The following TRDN variants were observed in gnomAD, a reference collection of about 807,000 sequenced individuals.
The protein encoded by TRDN is triadin in skeletal muscle.
TRDN carries 161 observed loss-of-function variants against 149.7 expected under a neutral mutation model. The observed-to-expected ratio is 1.08, with a 90% CI of 0.95 to 1.23. The LOEUF (loss-of-function observed/expected upper bound fraction) is 1.23, where lower values mean the gene tolerates loss of function less well. Ranked by LOEUF, TRDN falls within the 50% of genes most tolerant of loss-of-function variation. TRDN has a pLI of 0.00. For synonymous variants in TRDN, 294 were observed against 250.5 expected (o/e 1.17, Z -1.64); for missense variants, 896 against 823.5 (o/e 1.09, Z -1.08).
intron 24 of TRDN, among the ~76,000 whole-genome samples, chr6:123,306,548 C>A (rs1778618290): frequency 6.6e-6 from 1 of 152,074 alleles, no homozygotes; most frequent in Non-Finnish European, 1.5e-5. Context: ...TCTGCACATA[C>A]TTGACTGCTG....
intron 10 of TRDN, among the ~76,000 whole-genome samples, chr6:123,443,452 T>C (rs2114615506): frequency 6.6e-6 from 1 of 151,954 alleles, no homozygotes. Flanking sequence ...AGAGGAAAAA[T>C]ACCTGCAGAG....
chr6:123,250,050 A>G (rs1776321447), intron 38 of TRDN, among the ~76,000 whole-genome samples: 2 of 152,142 alleles, frequency 1.3e-5, no homozygotes, highest in African/African-American at 4.8e-5. Flanking sequence ...TCCATACACC[A>G]ATAATGAACT....
chr6:123,573,716 T>G (rs1036124834), intron 1 of TRDN, among the ~76,000 whole-genome samples: 11 of 152,034 alleles, frequency 7.2e-5, no homozygotes, highest in Non-Finnish European at 1.6e-4. Context: ...TTTATCCCAT[T>G]AGCAAAATTA....
intron 4 of TRDN, among the ~76,000 whole-genome samples, chr6:123,546,270 T>C (rs1312708321): frequency 6.6e-6 from 1 of 152,128 alleles, no homozygotes; most frequent in Non-Finnish European, 1.5e-5. Context: ...ATAAACACTT[T>C]CATTTCTGGA....
chr6:123,414,634 T>C (rs951677552), intron 12 of TRDN, among the ~76,000 whole-genome samples: 2 of 152,064 alleles, frequency 1.3e-5, no homozygotes, highest in East Asian at 1.9e-4. Context: ...AGCAGGAAAA[T>C]GGAATTGCCA....
chr6:123,221,144 T>A (rs1775133281), intron 40 of TRDN, among the ~76,000 whole-genome samples: 5 of 151,738 alleles, frequency 3.3e-5, no homozygotes. Flanking sequence ...TATAAAAAAA[T>A]TTGGCATATT....
intron 26 of TRDN, among the ~76,000 whole-genome samples, chr6:123,277,585 G>A (rs988571546): frequency 1.3e-5 from 2 of 152,102 alleles, no homozygotes; most frequent in African/African-American, 4.8e-5. Flanking sequence ...AGACACAAAG[G>A]GAGAAGGTTT....
chr6:123,424,446 G>A (rs2114551882), intron 12 of TRDN, among the ~76,000 whole-genome samples: 1 of 151,170 alleles, frequency 6.6e-6, no homozygotes. Context: ...CTATAAACAA[G>A]AAAAAACAAC....
chr6:123,608,275 T>C (rs1365295414), intron 1 of TRDN, among the ~76,000 whole-genome samples: 1 of 152,190 alleles, frequency 6.6e-6, no homozygotes, highest in African/African-American at 2.4e-5. Flanking sequence ...ATTAATATGC[T>C]CTATCTTCTA....
intron 1 of TRDN, among the ~76,000 whole-genome samples, chr6:123,586,189 C>A (rs567184457): frequency 6.6e-6 from 1 of 152,054 alleles, no homozygotes. Context: ...TTAGCTTCAG[C>A]CACCTTTTTA....
At chr6:123,571,400 T>A (rs1317452055) in intron 1 of TRDN, among the ~76,000 whole-genome samples, 1 of 152,154 alleles carries the variant, frequency 6.6e-6, no homozygotes, top group Non-Finnish European at 1.5e-5. Flanking sequence ...AGTGATAAAA[T>A]GGTTCAAATG....
intron 16 of TRDN, among the ~76,000 whole-genome samples, 183 bp downstream of exon 16, chr6:123,381,187 T>G (rs891128250): frequency 2.6e-5 from 4 of 152,112 alleles, no homozygotes; most frequent in African/African-American, 9.7e-5. Flanking sequence ...AAATGATTAC[T>G]ATGCTTCTCA....
chr6:123,528,581 T>G lies in TRDN; in HGVS notation c.484+1925A>C, dbSNP rs551628260. 6.7e-5 allele frequency: 64 copies of G among 952,712 alleles called. 1 individual carries two copies. In the South Asian group the frequency reaches 2.7e-3, roughly 40 times the overall value. The allele number at this position is 952,712 out of a possible 1,614,324, so 59.0% of individuals were successfully genotyped here. ...CTTTTCTTCTAAGGGTTCAAAATGC[T>G]TTGATAATAACTTAAATTCCTAACT... On this transcript the variant is annotated intron_variant, in intron 5 of 40. Transcript: ENST00000334268.
chr6:123,282,070 T>C (rs1003021003), intron 24 of TRDN, among the ~76,000 whole-genome samples: 1 of 151,840 alleles, frequency 6.6e-6, no homozygotes, highest in Non-Finnish European at 1.5e-5. Context: ...GATACAGAGA[T>C]GGACAAACAT....
chr6:123,239,143 A>G (rs539113476), intron 38 of TRDN, among the ~76,000 whole-genome samples: 1 of 152,134 alleles, frequency 6.6e-6, no homozygotes, highest in South Asian at 2.1e-4. Context: ...CCAGCCATAT[A>G]CTCTTTTTAA....
At chr6:123,550,717 A>G (rs1048029060) in intron 2 of TRDN, among the ~76,000 whole-genome samples, 1 of 151,998 alleles carries the variant, frequency 6.6e-6, no homozygotes, top group Non-Finnish European at 1.5e-5. Flanking sequence ...GGAAATTTTT[A>G]ATTTTATATT....
chr6:123,270,737 C>T (rs1050788715), intron 30 of TRDN, among the ~76,000 whole-genome samples: 3 of 151,812 alleles, frequency 2.0e-5, no homozygotes, highest in African/African-American at 7.3e-5. Flanking sequence ...ATGGAGCTTC[C>T]ATGAAAGTAA....
In TRDN at chr6:123,510,732, G is replaced by A. The variant is rs749253397; in HGVS notation, c.610+1571C>T. ...AATCTCAGCTCACTGCAACCTCTGC[G>A]TCCAGGTTTCAAGGTATTCTCCTGT... On this transcript the variant is annotated intron_variant, in intron 7 of 40. Transcript: ENST00000334268. Among the ~76,000 whole-genome samples the A allele has an allele frequency of 5.1e-4, 77 of 150,820 alleles. 1 individual carries two copies. The highest frequency in any genetic ancestry group is 1.8e-3 in the African/African-American group (75 of 40,980).
At chr6:123,318,609 T>C (rs1779121998) in intron 23 of TRDN, among the ~76,000 whole-genome samples, 1 of 152,066 alleles carries the variant, frequency 6.6e-6, no homozygotes, top group Non-Finnish European at 1.5e-5. Context: ...AATTTAAATC[T>C]TTTCTTCCTA....
Sources: gnomAD v4.1 joint callset for allele counts (sites outside exome capture counted in the v4.1 genomes callset) on GRCh38, gnomAD v4.1.1 for gene constraint, MANE v1.5 for transcripts, NCBI Gene and HGNC (gene_info 2026-07-23, HGNC 2026-07-21) for gene names.